The following GDPD4 variants were observed in gnomAD, a reference collection of about 807,000 sequenced individuals.
The protein encoded by GDPD4 is glycerophosphodiester phosphodiesterase 6.
Under a neutral mutation model 67.8 loss-of-function variants are expected in GDPD4, and 60 were observed. The observed-to-expected ratio is 0.88, with a 90% confidence interval of 0.72 to 1.10. The LOEUF is 1.10. Ranked by LOEUF, GDPD4 falls within the 50% of genes least tolerant of loss-of-function variation. The pLI is 0.00. For missense variants in GDPD4, 623 were observed against 613.9 expected, an observed-to-expected ratio of 1.01 and a Z score of -0.16; for synonymous variants, 212 against 210.9, an observed-to-expected ratio of 1.00 and a Z score of -0.04.
intron 2 of GDPD4, among the ~76,000 whole-genome samples, chr11:77,285,884 G>A (rs1959973641): frequency 6.6e-6 from 1 of 152,144 alleles, no homozygotes; most frequent in Non-Finnish European, 1.5e-5. Flanking sequence ...TATGGAGAAG[G>A]TACTGCTTTC....
chr11:77,285,790 T>A (rs1959969190), intron 2 of GDPD4, among the ~76,000 whole-genome samples: 1 of 152,184 alleles, frequency 6.6e-6, no homozygotes, highest in African/African-American at 2.4e-5. Flanking sequence ...AATAATTGAT[T>A]CAAGATCACA....
Position 77,280,593 on chromosome 11 carries a change from T to C in GDPD4, c.54-1194A>G, listed in dbSNP as rs113464281. On this transcript the variant is annotated intron_variant, in intron 3 of 16. Coordinates refer to ENST00000315938, the MANE Select transcript of GDPD4 (RefSeq NM_182833.3). Reference sequence around the variant, plus strand: ...TCTTCTAATCATTTTACTGGTCACATTGATATTTTATTTTAATCCCTTTCT... The same window carrying C: ...TCTTCTAATCATTTTACTGGTCACACTGATATTTTATTTTAATCCCTTTCT... Among the ~76,000 whole-genome samples, 607 of 152,356 alleles carry C rather than the reference T, an allele frequency of 4.0e-3. 1 individual carries two copies. Among genetic ancestry groups the C allele is most frequent in the African/African-American group, 0.011 (478 of 41,578 alleles).
intron 11 of GDPD4, among the ~76,000 whole-genome samples, chr11:77,252,061 T>TGTTG (rs1475211190): frequency 1.0e-5 from 1 of 100,120 alleles, no homozygotes; most frequent in African/African-American, 2.9e-5. Flanking sequence ...TTTGTTTTTT[T>TGTTG]TTTGTTTTTT....
chr11:77,243,742 A>T lies in GDPD4; in HGVS notation c.1193T>A (p.Ile398Asn). The T allele has an allele frequency of 6.4e-7, 1 of 1,574,468 alleles. No individual in the cohort carries two copies. Among genetic ancestry groups the T allele is most frequent in the East Asian group, 2.3e-5 (1 of 44,432 alleles). The change falls in exon 13 of 17, where the codon ATC becomes AAC. Residue 398 changes from isoleucine to asparagine, a missense_variant. By Grantham distance (149) the Ile-to-Asn change is moderately radical. Transcript: ENST00000315938. The stretch of plus-strand genomic sequence containing the variant: ...CTTGTAGTCAACATTTATTATACTG[A>T]TATTGTTTTTAGCAAGGGTTTCAAT... ...VSIETLAKNN[I>N]SIINVDYKKL...
At chr11:77,226,877 T>C (rs981627072) in intron 16 of GDPD4, among the ~76,000 whole-genome samples, 1 of 152,172 alleles carries the variant, frequency 6.6e-6, no homozygotes, top group African/African-American at 2.4e-5. Context: ...TTTCTAAACT[T>C]AGTTTTTCAT....
chr11:77,274,930 T>A (rs898568420), intron 5 of GDPD4, among the ~76,000 whole-genome samples: 1 of 152,166 alleles, frequency 6.6e-6, no homozygotes, highest in Admixed American at 6.5e-5. Flanking sequence ...GGTTGGTTAA[T>A]GAGAACATAC....
At chr11:77,259,375 C>T (rs150127805) in intron 10 of GDPD4, among the ~76,000 whole-genome samples, 13 of 152,210 alleles carry the variant, frequency 8.5e-5, no homozygotes, top group Admixed American at 3.9e-4. Flanking sequence ...TGGAGAATCT[C>T]TGATTTTATG....
intron 1 of GDPD4, among the ~76,000 whole-genome samples, chr11:77,296,947 G>C (rs879879048): frequency 2.8e-4 from 42 of 151,236 alleles, no homozygotes; most frequent in Admixed American, 1.6e-3. Flanking sequence ...CCAGCTATTC[G>C]GGAGGCTGAG....
chr11:77,219,552 G>A (rs1162703075), intron 16 of GDPD4, among the ~76,000 whole-genome samples: 1 of 152,148 alleles, frequency 6.6e-6, no homozygotes, highest in Non-Finnish European at 1.5e-5. Context: ...ATTAATTTTT[G>A]TATAAGGAGT....
intron 16 of GDPD4, among the ~76,000 whole-genome samples, chr11:77,218,633 T>G (rs561231351): frequency 8.5e-4 from 130 of 152,292 alleles, no homozygotes; most frequent in South Asian, 5.8e-3. Context: ...AGTGAGAACA[T>G]GCGGTGTTTG....
At chr11:77,273,850 T>C (rs1282989946) in intron 5 of GDPD4, among the ~76,000 whole-genome samples, 4 of 152,202 alleles carry the variant, frequency 2.6e-5, no homozygotes. Context: ...CCCTATATCG[T>C]GTTCTCTGGG....
chr11:77,269,885 C>T lies in GDPD4; in HGVS notation c.476G>A (p.Arg159Lys), dbSNP rs1959198807. The T allele has an allele frequency of 6.4e-7, 1 of 1,561,024 alleles. No homozygotes were observed. The highest frequency in any genetic ancestry group is 1.4e-5 in the African/African-American group (1 of 73,622). ...LKQCNVITRL[R>K]GLQVPVGLPF... The stretch of plus-strand genomic sequence containing the variant: ...AAATCTCAGTCTCCAGCTCTAACCT[C>T]TTAACCTTGTGATTACATTACATTG... Residue 159 changes from arginine (R) to lysine (K), a missense_variant and splice_region_variant, in exon 8 of 17, where the codon AGA (arginine) becomes AAA (lysine). Transcript: ENST00000315938.
intron 10 of GDPD4, among the ~76,000 whole-genome samples, chr11:77,264,148 A>T (rs1224013549): frequency 2.6e-5 from 4 of 152,172 alleles, no homozygotes; most frequent in African/African-American, 7.2e-5. Flanking sequence ...GCAGCCAAAA[A>T]TTTTGCGTAG....
chr11:77,294,821 T>C (rs1470888503), intron 1 of GDPD4, among the ~76,000 whole-genome samples: 1 of 152,068 alleles, frequency 6.6e-6, no homozygotes, highest in African/African-American at 2.4e-5. Context: ...AGAATATGGG[T>C]TCCAGAAAAA....
intron 10 of GDPD4, among the ~76,000 whole-genome samples, chr11:77,267,946 T>G (rs1040679019): frequency 3.3e-5 from 5 of 152,084 alleles, no homozygotes; most frequent in African/African-American, 1.2e-4. Flanking sequence ...GGAAGTGACC[T>G]TTTCCTCCAC....
At chr11:77,270,917 G>C in intron 7 of GDPD4, 1 of 506,036 alleles carries the variant, frequency 2.0e-6, no homozygotes, top group Non-Finnish European at 3.4e-6. Flanking sequence ...TTTAGAAGAA[G>C]GTCTGTTTGG....
intron 9 of GDPD4, 75 bp downstream of exon 9, chr11:77,268,848 TG>T (rs1379491059): frequency 4.1e-5 from 59 of 1,439,698 alleles, no homozygotes; most frequent in Non-Finnish European, 5.3e-5. Context: ...GGGGCTTCCA[TG>T]GTTCTCTTTT....
At chr11:77,243,328 T>C (rs1184606473) in intron 13 of GDPD4, among the ~76,000 whole-genome samples, 1 of 152,216 alleles carries the variant, frequency 6.6e-6, no homozygotes, top group Non-Finnish European at 1.5e-5. Flanking sequence ...GGTACTGCCA[T>C]CCATCTGGTA....
chr11:77,248,210 T>C (rs1468127093), intron 11 of GDPD4, among the ~76,000 whole-genome samples: 1 of 151,086 alleles, frequency 6.6e-6, no homozygotes, highest in Non-Finnish European at 1.5e-5. Flanking sequence ...CTTTTCTTTT[T>C]TTTTTTTTTT....
Sources: allele counts gnomAD v4.1 joint callset (sites outside exome capture counted in the v4.1 genomes callset), GRCh38; gene constraint gnomAD v4.1.1; transcripts MANE v1.5; gene names NCBI Gene and HGNC (gene_info 2026-07-23, HGNC 2026-07-21).